The following PTPRN2 variants were observed in gnomAD, a reference collection of about 807,000 sequenced individuals.
PTPRN2 encodes protein tyrosine phosphatase receptor type N2.
A neutral mutation model predicts 118.8 loss-of-function variants in PTPRN2; 74 were observed. The observed-to-expected ratio is 0.62, with a 90% CI of 0.52 to 0.76. The LOEUF (loss-of-function observed/expected upper bound fraction) is 0.76, where lower values mean the gene tolerates loss of function less well. Among genes scored for constraint, PTPRN2 ranks in the 30% least tolerant of loss-of-function variants. The probability of loss-of-function intolerance (pLI) is 0.00; values close to 1 mark genes in which losing one functional copy is unlikely to be tolerated. For missense variants in PTPRN2, 1,481 were observed against 1,394.4 expected (o/e 1.06, Z -0.99); for synonymous variants, 641 against 608.0 (o/e 1.05, Z -0.80).
intron 12 of PTPRN2, among the ~76,000 whole-genome samples, chr7:157,724,209 C>T (rs373597392): frequency 3.3e-5 from 5 of 152,148 alleles, no homozygotes; most frequent in Admixed American, 1.3e-4. Flanking sequence ...GTCTGAATTG[C>T]GCTGGTTTAC....
At chr7:158,128,893 G>T (rs1232645447) in intron 9 of PTPRN2, among the ~76,000 whole-genome samples, 1 of 151,962 alleles carries the variant, frequency 6.6e-6, no homozygotes, top group Non-Finnish European at 1.5e-5. Context: ...CAACATGGGG[G>T]CCTTCAGGAG....
intron 12 of PTPRN2, among the ~76,000 whole-genome samples, chr7:157,770,148 T>C (rs1193004972): frequency 6.6e-6 from 1 of 152,256 alleles, no homozygotes; most frequent in Admixed American, 6.5e-5. Context: ...AATTTAGAGA[T>C]GAAATTCTGG....
At chr7:158,475,655 G>C (rs1163134207) in intron 2 of PTPRN2, among the ~76,000 whole-genome samples, 1 of 152,106 alleles carries the variant, frequency 6.6e-6, no homozygotes, top group Non-Finnish European at 1.5e-5. Flanking sequence ...TCACTCTCCA[G>C]CTTCCTTGAA....
chr7:158,389,189 TGAGGCCACACCA>T (rs1811734962), intron 2 of PTPRN2, among the ~76,000 whole-genome samples: 1 of 152,230 alleles, frequency 6.6e-6, no homozygotes, highest in South Asian at 2.1e-4. Flanking sequence ...GTGCGGCCAC[TGAGGCCACACCA>T]CACTTCAGTG....
At chr7:157,556,041 G>A (rs1055901648) in intron 21 of PTPRN2, among the ~76,000 whole-genome samples, 4 of 152,182 alleles carry the variant, frequency 2.6e-5, no homozygotes, top group Admixed American at 6.5e-5. Flanking sequence ...GAACTGGACT[G>A]GGTGCAGAGG....
chr7:157,555,562 G>A (rs1339557260), intron 21 of PTPRN2, among the ~76,000 whole-genome samples: 4 of 152,208 alleles, frequency 2.6e-5, no homozygotes, highest in African/African-American at 7.2e-5. Flanking sequence ...CATCGTCGCC[G>A]TCTCCTGACC....
intron 2 of PTPRN2, among the ~76,000 whole-genome samples, chr7:158,452,700 A>G (rs561296896): frequency 7.4e-4 from 113 of 152,332 alleles, no homozygotes; most frequent in Non-Finnish European, 1.3e-3. Context: ...ATGAGGAGGG[A>G]GACACAAAGG....
intron 11 of PTPRN2, among the ~76,000 whole-genome samples, chr7:158,023,304 G>A (rs1481564423): frequency 1.3e-5 from 2 of 152,098 alleles, no homozygotes; most frequent in Non-Finnish European, 2.9e-5. Flanking sequence ...AGCTCTCTCA[G>A]ACCCCAGGTG....
At chr7:158,228,050 A>G (rs1021343981) in intron 3 of PTPRN2, among the ~76,000 whole-genome samples, 1 of 152,196 alleles carries the variant, frequency 6.6e-6, no homozygotes, top group Non-Finnish European at 1.5e-5. Flanking sequence ...AGACATTAAA[A>G]AGCTCTATGC....
chr7:158,405,054 CCCAGCTCCCTGGCCT>C (rs1343655589), intron 2 of PTPRN2, among the ~76,000 whole-genome samples: 1 of 149,794 alleles, frequency 6.7e-6, no homozygotes, highest in African/African-American at 2.5e-5. Context: ...CTCCCCGGCC[CCCAGCTCCCTGGCCT>C]CCAGCTCCTC....
chr7:157,777,884 C>T (rs1014683778), intron 12 of PTPRN2, among the ~76,000 whole-genome samples: 2 of 151,994 alleles, frequency 1.3e-5, no homozygotes, highest in Non-Finnish European at 2.9e-5. Context: ...TTTCTTTCAA[C>T]CACTGCTGAG....
intron 11 of PTPRN2, among the ~76,000 whole-genome samples, chr7:158,000,632 G>T (rs1395980575): frequency 8.0e-6 from 1 of 125,102 alleles, no homozygotes; most frequent in African/African-American, 3.2e-5. Context: ...GGGTCGGGCC[G>T]CAGGTGGGGA....
chr7:157,982,672 C>T (rs1237816978), intron 11 of PTPRN2, among the ~76,000 whole-genome samples: 5 of 125,772 alleles, frequency 4.0e-5, no homozygotes, highest in Non-Finnish European at 3.3e-5. Context: ...TCCCCCCAAA[C>T]CCCGAGTCAC....
At chr7:158,050,362 T>C (rs1182427313) in intron 11 of PTPRN2, among the ~76,000 whole-genome samples, 3 of 152,226 alleles carry the variant, frequency 2.0e-5, no homozygotes, top group African/African-American at 4.8e-5. Context: ...TTCCTTCACA[T>C]TTCTTTGGCT....
chr7:157,630,308 C>A (rs556984865), intron 14 of PTPRN2, among the ~76,000 whole-genome samples: 28 of 152,270 alleles, frequency 1.8e-4, no homozygotes, highest in African/African-American at 6.7e-4. Context: ...CATGTGAACA[C>A]AAAGAAGAAC....
At chr7:157,896,088 G>A (rs1034346602) in intron 12 of PTPRN2, among the ~76,000 whole-genome samples, 36 of 151,410 alleles carry the variant, frequency 2.4e-4, no homozygotes, top group Non-Finnish European at 5.2e-4. Context: ...GAGGACGGGA[G>A]GAGCTGGGAA....
chr7:157,997,216 C>T (rs531634556), intron 11 of PTPRN2, among the ~76,000 whole-genome samples: 68 of 152,344 alleles, frequency 4.5e-4, no homozygotes, highest in Middle Eastern at 3.4e-3. Context: ...GGCTGCCTGG[C>T]GGCTCCATTT....
chr7:158,004,309 A>G (rs1480060760), intron 11 of PTPRN2, among the ~76,000 whole-genome samples: 1 of 152,174 alleles, frequency 6.6e-6, no homozygotes, highest in Non-Finnish European at 1.5e-5. Context: ...AGCTACCCTC[A>G]ATGGCACCCG....
intron 3 of PTPRN2, among the ~76,000 whole-genome samples, chr7:158,217,710 G>C (rs998041658): frequency 6.6e-6 from 1 of 152,162 alleles, no homozygotes; most frequent in Non-Finnish European, 1.5e-5. Flanking sequence ...GAAATGATTT[G>C]AGAGTTGAAA....
Sources: gnomAD v4.1 joint callset for allele counts (sites outside exome capture counted in the v4.1 genomes callset) on GRCh38, gnomAD v4.1.1 for gene constraint, MANE v1.5 for transcripts, NCBI Gene and HGNC (gene_info 2026-07-23, HGNC 2026-07-21) for gene names.